Variants in LCORL observed in about 807,000 individuals in gnomAD.
The protein encoded by LCORL is ligand dependent nuclear receptor corepressor like, also known as ligand-dependent nuclear receptor corepressor-like protein.
In LCORL, 41 loss-of-function variants were observed where a neutral mutation model predicts 141.8. The ratio of observed to expected loss-of-function variants is 0.29; its 90% CI spans 0.23 to 0.38. The LOEUF (loss-of-function observed/expected upper bound fraction) is 0.38, where lower values mean the gene tolerates loss of function less well. Among genes scored for constraint, LCORL ranks in the 10% least tolerant of loss-of-function variants. LCORL has a pLI of 1.00. For missense variants in LCORL, 1,759 were observed against 2,035.0 expected, an observed-to-expected ratio of 0.86 and a Z score of 2.61; for synonymous variants, 618 against 694.1, an observed-to-expected ratio of 0.89 and a Z score of 1.72.
chr4:17,883,699 A>ACACACAC, intron 6 of LCORL: 1 of 1,496,044 alleles, frequency 6.7e-7, no homozygotes, highest in Non-Finnish European at 8.9e-7. Flanking sequence ...CACACTCACA[A>ACACACAC]ACATTTTCCT....
chr4:17,985,816 GGTT>G (rs1487233637), intron 1 of LCORL, among the ~76,000 whole-genome samples: 5 of 152,222 alleles, frequency 3.3e-5, no homozygotes, highest in African/African-American at 1.2e-4. Context: ...GTTGTCAGCT[GGTT>G]ATTATGCTGG....
intron 4 of LCORL, among the ~76,000 whole-genome samples, chr4:17,950,194 T>C (rs1472671710): frequency 6.6e-6 from 1 of 152,206 alleles, no homozygotes; most frequent in African/African-American, 2.4e-5. Flanking sequence ...TATTTTATGG[T>C]GTTCAAATCA....
exon 5 of LCORL, chr4:17,909,309 A>T (rs1457658987): frequency 6.2e-7 from 1 of 1,609,038 alleles, no homozygotes; most frequent in Non-Finnish European, 8.5e-7. Flanking sequence ...TTCCTGAGCA[A>T]CTAGGGGAAT....
At chr4:17,851,439 T>C (rs141525817) in intron 7 of LCORL, among the ~76,000 whole-genome samples, 1 of 152,174 alleles carries the variant, frequency 6.6e-6, no homozygotes, top group Non-Finnish European at 1.5e-5. Context: ...AACTCTCTCC[T>C]TGTACACAAT....
rs1049968881 is a variant in LCORL at position 17,957,096 on chromosome 4, GGA to G, written c.430+4805_430+4806del. ...GTTGGAAATGAAGAAATCAAGTAAT[GGA>G]GAGGCCAGGGTGTTGGATGTATCAG... is the stretch of plus-strand genomic sequence containing the variant. On this transcript the variant is annotated intron_variant, in intron 4 of 7. Coordinates refer to ENST00000635767, the Ensembl canonical transcript of LCORL. Among the ~76,000 whole-genome samples, 386 of 152,014 alleles carry G rather than the reference GGA, an allele frequency of 2.5e-3. 10 individuals are homozygous for G. The highest frequency in any genetic ancestry group is 2.8e-4 in the Non-Finnish European group (19 of 67,854).
chr4:18,002,230 A>G (rs1192761709), intron 1 of LCORL, among the ~76,000 whole-genome samples: 1 of 152,234 alleles, frequency 6.6e-6, no homozygotes, highest in African/African-American at 2.4e-5. Flanking sequence ...ACCACTGTTC[A>G]GCATATGCTA....
chr4:17,990,475 T>C (rs899708758), intron 1 of LCORL, among the ~76,000 whole-genome samples: 2 of 143,678 alleles, frequency 1.4e-5, no homozygotes, highest in African/African-American at 5.1e-5. Context: ...TAATGTCAAC[T>C]GTGCCTTATA....
At chr4:17,912,824 A>G (rs1732795076) in intron 4 of LCORL, 1 of 434,392 alleles carries the variant, frequency 2.3e-6, no homozygotes, top group Admixed American at 2.7e-5. Flanking sequence ...GGAGGCTAAG[A>G]TCGACACCTG....
chr4:17,881,279 A>T, intron 6 of LCORL: 1 of 981,656 alleles, frequency 1.0e-6, no homozygotes, highest in Non-Finnish European at 1.2e-6. Context: ...TCAATTAATA[A>T]ATAGTAACTG....
At chr4:17,899,372 A>C (rs1730520492) in intron 5 of LCORL, among the ~76,000 whole-genome samples, 3 of 152,166 alleles carry the variant, frequency 2.0e-5, no homozygotes, top group Non-Finnish European at 2.9e-5. Flanking sequence ...GCCAAAAAAA[A>C]ACAAGAATAT....
chr4:17,931,048 T>C (rs776035022), intron 4 of LCORL, among the ~76,000 whole-genome samples: 1 of 152,224 alleles, frequency 6.6e-6, no homozygotes, highest in Non-Finnish European at 1.5e-5. Flanking sequence ...TCTGGGACAA[T>C]TTTAACAAAC....
intron 7 of LCORL, among the ~76,000 whole-genome samples, chr4:17,859,717 G>T (rs1393268069): frequency 6.6e-6 from 1 of 152,136 alleles, no homozygotes; most frequent in Non-Finnish European, 1.5e-5. Flanking sequence ...ACAAAGACTT[G>T]GAGAAGAAAT....
At chr4:17,905,513 C>T (rs767391613) in intron 5 of LCORL, among the ~76,000 whole-genome samples, 16 of 151,762 alleles carry the variant, frequency 1.1e-4, no homozygotes, top group East Asian at 1.9e-4. Context: ...GTCTGGTTTT[C>T]GTATCAAGAT....
At chr4:17,888,482 G>C (rs753979657) in intron 5 of LCORL, among the ~76,000 whole-genome samples, 2 of 151,988 alleles carry the variant, frequency 1.3e-5, no homozygotes, top group African/African-American at 2.4e-5. Context: ...TGTTCCCTCT[G>C]CCTAGAATGC....
intron 1 of LCORL, among the ~76,000 whole-genome samples, chr4:17,994,482 TA>T (rs1560457154): frequency 6.6e-6 from 1 of 152,214 alleles, no homozygotes; most frequent in African/African-American, 2.4e-5. Flanking sequence ...TACTCATTCT[TA>T]AAAATTGTAG....
intron 1 of LCORL, among the ~76,000 whole-genome samples, chr4:17,983,454 G>C (rs1718377839): frequency 1.3e-5 from 2 of 152,080 alleles, no homozygotes; most frequent in Non-Finnish European, 2.9e-5. Context: ...GCAGTGTTTT[G>C]TAATTCTCAT....
intron 6 of LCORL, chr4:17,883,587 T>C (rs1727862008): frequency 7.4e-7 from 1 of 1,349,946 alleles, no homozygotes; most frequent in South Asian, 2.3e-5. Context: ...TAAAATTTCA[T>C]GTCTCCTGTC....
chr4:18,005,532 C>A (rs1469620582), intron 1 of LCORL, among the ~76,000 whole-genome samples: 1 of 152,208 alleles, frequency 6.6e-6, no homozygotes, highest in African/African-American at 2.4e-5. Flanking sequence ...ACTGCCCTAG[C>A]AGAGGTTCTC....
chr4:17,961,386 C>G (rs928560300), intron 4 of LCORL, among the ~76,000 whole-genome samples: 1 of 151,540 alleles, frequency 6.6e-6, no homozygotes, highest in African/African-American at 2.4e-5. Flanking sequence ...TTTGGAGAGA[C>G]AAGAAATAAA....
Sources: allele counts gnomAD v4.1 joint callset (sites outside exome capture counted in the v4.1 genomes callset), GRCh38; gene constraint gnomAD v4.1.1; transcripts MANE v1.5; gene names NCBI Gene and HGNC (gene_info 2026-07-23, HGNC 2026-07-21).